The following COP1 variants were observed in gnomAD, a reference collection of about 807,000 sequenced individuals.
COP1 encodes the protein E3 ubiquitin-protein ligase COP1.
COP1 carries 24 observed loss-of-function variants against 101.3 expected under a neutral mutation model. That is an observed-to-expected ratio of 0.24 (90% CI 0.17 to 0.33). The LOEUF (loss-of-function observed/expected upper bound fraction) is 0.33, where lower values mean the gene tolerates loss of function less well. Among genes scored for constraint, COP1 ranks in the 10% least tolerant of loss-of-function variants. The pLI is 1.00. For missense variants in COP1, 663 were observed against 906.2 expected, an observed-to-expected ratio of 0.73 and a Z score of 3.45; for synonymous variants, 347 against 341.9, an observed-to-expected ratio of 1.01 and a Z score of -0.17.
chr1:176,010,466 T>C (rs1029506619), intron 15 of COP1, among the ~76,000 whole-genome samples: 10 of 152,342 alleles, frequency 6.6e-5, no homozygotes, highest in Admixed American at 2.6e-4. Context: ...ATTCATAATA[T>C]TGTTATATTT....
rs60349564 is a variant in COP1, at chr1:176,109,830, G to A, written c.1026+6794C>T. Among the ~76,000 whole-genome samples, 944 of 152,032 alleles carry A rather than the reference G, an allele frequency of 6.2e-3. 14 individuals carry two copies. Among genetic ancestry groups the A allele is most frequent in the African/African-American group, 0.021 (891 of 41,484 alleles). The stretch of plus-strand genomic sequence containing the variant: ...GCTAATTTCAATTTATGTTGTATAT[G>A]GGCTTTTTTTTGGTCTTTCTATATT... On this transcript the variant is annotated intron_variant, in intron 9 of 19. Transcript: ENST00000367669.
At chr1:176,164,944 G>C (rs978858749) in intron 3 of COP1, among the ~76,000 whole-genome samples, 4 of 152,054 alleles carry the variant, frequency 2.6e-5, no homozygotes, top group Non-Finnish European at 4.4e-5. Context: ...TATTAGCACA[G>C]AGAGCATAAG....
chr1:176,193,752 G>T (rs1237821917), intron 1 of COP1, among the ~76,000 whole-genome samples: 1 of 152,140 alleles, frequency 6.6e-6, no homozygotes, highest in Non-Finnish European at 1.5e-5. Flanking sequence ...TCTGGAATAG[G>T]TAAATTCACA....
At chr1:176,164,728 C>T (rs1478774236) in intron 3 of COP1, among the ~76,000 whole-genome samples, 2 of 152,150 alleles carry the variant, frequency 1.3e-5, no homozygotes, top group East Asian at 1.9e-4. Flanking sequence ...ATAACTAGTT[C>T]TAGAAATTCT....
intron 18 of COP1, among the ~76,000 whole-genome samples, chr1:175,980,544 C>A (rs993604511): frequency 1.3e-5 from 2 of 152,128 alleles, no homozygotes; most frequent in African/African-American, 4.8e-5. Flanking sequence ...AGTTTTGCTG[C>A]ACTTGGTTTC....
chr1:176,085,662 C>G (rs550242150), intron 10 of COP1, 114 bp downstream of exon 10: 1 of 521,372 alleles, frequency 1.9e-6, no homozygotes, highest in East Asian at 2.8e-5. Flanking sequence ...TAGACTATGT[C>G]AAAAATACAT....
chr1:176,135,640 C>A (rs1466018528), intron 7 of COP1, among the ~76,000 whole-genome samples: 5 of 151,910 alleles, frequency 3.3e-5, no homozygotes, highest in Non-Finnish European at 7.4e-5. Flanking sequence ...GATCAGTAAT[C>A]CAGAGGAATA....
At chr1:176,069,879 T>C (rs1676664822) in intron 11 of COP1, among the ~76,000 whole-genome samples, 1 of 152,212 alleles carries the variant, frequency 6.6e-6, no homozygotes, top group Admixed American at 6.5e-5. Flanking sequence ...TGCATGGCAA[T>C]ACACTCTCTC....
At chr1:176,098,791 A>C (rs887949833) in intron 9 of COP1, among the ~76,000 whole-genome samples, 2 of 152,212 alleles carry the variant, frequency 1.3e-5, no homozygotes, top group Admixed American at 1.3e-4. Context: ...TAAACCTCTA[A>C]CATATTTAAC....
intron 1 of COP1, among the ~76,000 whole-genome samples, chr1:176,185,378 C>T (rs1395356638): frequency 6.6e-6 from 1 of 152,168 alleles, no homozygotes; most frequent in Non-Finnish European, 1.5e-5. Flanking sequence ...ACGTTCTTAA[C>T]CACTTGTCCT....
At chr1:176,133,323 T>C (rs1162366181) in intron 8 of COP1, among the ~76,000 whole-genome samples, 1 of 151,944 alleles carries the variant, frequency 6.6e-6, no homozygotes, top group South Asian at 2.1e-4. Context: ...CCCAGCACCA[T>C]TACTGAATAT....
intron 15 of COP1, among the ~76,000 whole-genome samples, chr1:176,000,896 T>C (rs1661445428): frequency 6.6e-6 from 1 of 152,080 alleles, no homozygotes; most frequent in African/African-American, 2.4e-5. Context: ...TAAAATAACC[T>C]AGTTCAGATG....
chr1:176,163,969 T>G, intron 3 of COP1, 78 bp from the exon 4 acceptor site: 1 of 907,988 alleles, frequency 1.1e-6, no homozygotes, highest in Non-Finnish European at 1.7e-6. Context: ...TCGGTTTAGA[T>G]AGATTCTATT....
chr1:176,132,365 C>G (rs1022626487), intron 8 of COP1, among the ~76,000 whole-genome samples: 2 of 151,770 alleles, frequency 1.3e-5, no homozygotes, highest in Admixed American at 6.6e-5. Context: ...AAAGCCCTAC[C>G]ATGCCTAACT....
At chr1:176,023,718 CAAA>C (rs759455090) in intron 15 of COP1, among the ~76,000 whole-genome samples, 5 of 122,084 alleles carry the variant, frequency 4.1e-5, no homozygotes, top group African/African-American at 7.2e-5. Flanking sequence ...AACTCCATCT[CAAA>C]AAAAAAAAAA....
chr1:176,094,525 C>A (rs1681974087), intron 9 of COP1, among the ~76,000 whole-genome samples: 1 of 151,812 alleles, frequency 6.6e-6, no homozygotes, highest in Non-Finnish European at 1.5e-5. Context: ...ATAAATACGA[C>A]ACAAATCAAA....
rs140748199 is a variant in COP1 at position 175,952,234 on chromosome 1, C to T, written c.2134-4995G>A. Among the ~76,000 whole-genome samples, 889 of 152,052 alleles carry T rather than the reference C, an allele frequency of 5.8e-3. 11 individuals are homozygous for T. Among genetic ancestry groups the T allele is most frequent in the African/African-American group, 0.021 (852 of 41,470 alleles). On this transcript the variant is annotated intron_variant, in intron 18 of 19. Coordinates refer to ENST00000367669, the MANE Select transcript of COP1 (RefSeq NM_022457.7). ...GTCAGGAGTTTGAGAGCAGCCTGGC[C>T]AACATGGTGAAACCCCATCTCTACT...
intron 15 of COP1, among the ~76,000 whole-genome samples, chr1:176,023,043 T>C (rs947987825): frequency 3.3e-5 from 5 of 151,976 alleles, no homozygotes; most frequent in Non-Finnish European, 5.9e-5. Flanking sequence ...TTTGTGGGAG[T>C]TGTAGTGAAG....
intron 5 of COP1, among the ~76,000 whole-genome samples, chr1:176,151,353 AAAAGAAAG>A (rs200187869): frequency 0.1 from 11,734 of 115,770 alleles, 664 homozygotes; most frequent in Admixed American, 0.13. Flanking sequence ...GAAAGAAAGA[AAAAGAAAG>A]AAAGAAAGAA....
Sources: gnomAD v4.1 joint callset for allele counts (sites outside exome capture counted in the v4.1 genomes callset) on GRCh38, gnomAD v4.1.1 for gene constraint, MANE v1.5 for transcripts, NCBI Gene and HGNC (gene_info 2026-07-23, HGNC 2026-07-21) for gene names.